The following NEGR1 variants were observed in gnomAD, a reference collection of about 807,000 sequenced individuals.
The protein encoded by NEGR1 is IgLON family member 4.
Under a neutral mutation model 40.9 loss-of-function variants are expected in NEGR1, and 10 were observed. The observed-to-expected ratio is 0.24, with a 90% confidence interval of 0.15 to 0.42. The LOEUF (loss-of-function observed/expected upper bound fraction) is 0.42, where lower values mean the gene tolerates loss of function less well. Among genes scored for constraint, NEGR1 ranks in the 10% least tolerant of loss-of-function variants. The probability of loss-of-function intolerance (pLI) is 1.00; values close to 1 mark genes in which losing one functional copy is unlikely to be tolerated. For missense variants in NEGR1, 352 were observed against 438.9 expected (o/e 0.80, Z 1.77); for synonymous variants, 185 against 166.8 (o/e 1.11, Z -0.84).
At chr1:72,169,119 C>T (rs1218953082) in intron 1 of NEGR1, among the ~76,000 whole-genome samples, 2 of 151,926 alleles carry the variant, frequency 1.3e-5, no homozygotes, top group African/African-American at 4.8e-5. Context: ...TTTCTCCATA[C>T]AAAAAATCAT....
chr1:72,214,850 G>GAA, intron 1 of NEGR1, among the ~76,000 whole-genome samples: 1 of 142,762 alleles, frequency 7.0e-6, no homozygotes, highest in East Asian at 2.2e-4. Context: ...CAGAATTAGC[G>GAA]AAAAAAAAAA....
chr1:71,778,462 T>C (rs1376375614), intron 2 of NEGR1, among the ~76,000 whole-genome samples: 5 of 152,188 alleles, frequency 3.3e-5, no homozygotes, highest in Non-Finnish European at 5.9e-5. Flanking sequence ...GGTTAAGTTA[T>C]GATGTTCGAT....
At chr1:72,201,519 T>C (rs974047615) in intron 1 of NEGR1, among the ~76,000 whole-genome samples, 10 of 151,804 alleles carry the variant, frequency 6.6e-5, no homozygotes, top group Non-Finnish European at 1.3e-4. Flanking sequence ...TGCACGTAAC[T>C]CAAGTAAAAT....
At chr1:72,279,616 A>G (rs1348696262) in intron 1 of NEGR1, among the ~76,000 whole-genome samples, 1 of 152,204 alleles carries the variant, frequency 6.6e-6, no homozygotes, top group Non-Finnish European at 1.5e-5. Context: ...CTAGTGAGTT[A>G]GAGAATAACA....
intron 6 of NEGR1, among the ~76,000 whole-genome samples, chr1:71,499,233 A>C (rs1461420930): frequency 6.6e-6 from 1 of 151,988 alleles, no homozygotes; most frequent in African/African-American, 2.4e-5. Flanking sequence ...CATATGTATA[A>C]GCCAGTTTTT....
chr1:71,454,143 C>A (rs909126441), intron 6 of NEGR1, among the ~76,000 whole-genome samples: 1 of 152,144 alleles, frequency 6.6e-6, no homozygotes, highest in African/African-American at 2.4e-5. Flanking sequence ...TCTCCACCCA[C>A]CTTAACAGCA....
At chr1:71,851,426 T>C (rs1260058637) in intron 2 of NEGR1, among the ~76,000 whole-genome samples, 1 of 152,206 alleles carries the variant, frequency 6.6e-6, no homozygotes, top group Non-Finnish European at 1.5e-5. Flanking sequence ...TTAAAACTCA[T>C]TTAATTTTTA....
chr1:71,921,564 T>A (rs539605462), intron 2 of NEGR1, among the ~76,000 whole-genome samples: 1 of 151,616 alleles, frequency 6.6e-6, no homozygotes, highest in Non-Finnish European at 1.5e-5. Context: ...TTCTCTTTTC[T>A]GTGATTTTCT....
At chr1:71,541,750 T>G (rs112986838) in intron 6 of NEGR1, among the ~76,000 whole-genome samples, 2 of 151,708 alleles carry the variant, frequency 1.3e-5, no homozygotes, top group Non-Finnish European at 2.9e-5. Flanking sequence ...GGGAAACCAA[T>G]GCCAGCAGAA....
At chr1:71,921,605 T>C (rs999449821) in intron 2 of NEGR1, among the ~76,000 whole-genome samples, 4 of 149,984 alleles carry the variant, frequency 2.7e-5, no homozygotes, top group Non-Finnish European at 4.4e-5. Context: ...TAGCTTACTG[T>C]ATTGTAGGAA....
chr1:71,541,397 CAAAT>C (rs1291357729), intron 6 of NEGR1, among the ~76,000 whole-genome samples: 6 of 151,488 alleles, frequency 4.0e-5, no homozygotes, highest in Non-Finnish European at 5.9e-5. Flanking sequence ...AGACGACTGA[CAAAT>C]AAAGAAGCTG....
chr1:71,407,406 T>G lies in NEGR1; in HGVS notation c.*40A>C, dbSNP rs781281162. The G allele has an allele frequency of 1.2e-6, 2 of 1,602,008 alleles. No homozygotes were observed. Among genetic ancestry groups the G allele is most frequent in the East Asian group, 2.2e-5 (1 of 44,750 alleles). Reference sequence around the variant, plus strand: ...CCAGATTGGATCCAGCCATCAGCACTTTCAGAGAATCCTTAAAAGCCTTTT... The same window carrying G: ...CCAGATTGGATCCAGCCATCAGCACGTTCAGAGAATCCTTAAAAGCCTTTT... On this transcript the variant is annotated 3_prime_UTR_variant, in exon 7 of 7. Coordinates refer to ENST00000357731, the MANE Select transcript of NEGR1 (RefSeq NM_173808.3).
At chr1:72,051,833 C>A (rs1647064765) in intron 1 of NEGR1, among the ~76,000 whole-genome samples, 2 of 151,452 alleles carry the variant, frequency 1.3e-5, no homozygotes, top group South Asian at 4.1e-4. Flanking sequence ...TCAACTTTAT[C>A]AGAGCCAGGG....
intron 6 of NEGR1, among the ~76,000 whole-genome samples, chr1:71,491,876 A>C (rs1646931428): frequency 1.3e-5 from 2 of 152,128 alleles, no homozygotes; most frequent in African/African-American, 4.8e-5. Flanking sequence ...TGTCCCTCCA[A>C]AATTTATATG....
intron 2 of NEGR1, among the ~76,000 whole-genome samples, chr1:71,868,892 A>G (rs981272737): frequency 2.0e-5 from 3 of 151,876 alleles, no homozygotes; most frequent in African/African-American, 4.8e-5. Context: ...CTTACCCCCA[A>G]TATGTATGTA....
chr1:72,266,034 C>T (rs1431796730), intron 1 of NEGR1, among the ~76,000 whole-genome samples: 2 of 150,838 alleles, frequency 1.3e-5, no homozygotes, highest in Admixed American at 1.3e-4. Flanking sequence ...TACTAAACTC[C>T]TAAGATCATC....
intron 1 of NEGR1, among the ~76,000 whole-genome samples, chr1:72,130,538 T>G (rs1650206733): frequency 6.6e-6 from 1 of 152,140 alleles, no homozygotes; most frequent in African/African-American, 2.4e-5. Context: ...GTTTAGTGCT[T>G]TTTTGGAATC....
intron 1 of NEGR1, among the ~76,000 whole-genome samples, chr1:71,978,323 G>C (rs2100333327): frequency 6.6e-6 from 1 of 152,198 alleles, no homozygotes; most frequent in South Asian, 2.1e-4. Context: ...CTGATCTATT[G>C]ACATTTAAGA....
At chr1:71,941,833 T>TA (rs1334970313) in intron 1 of NEGR1, among the ~76,000 whole-genome samples, 1 of 152,080 alleles carries the variant, frequency 6.6e-6, no homozygotes, top group Non-Finnish European at 1.5e-5. Context: ...TTGAGTTAGG[T>TA]TATATCAAAA....
Sources: allele counts gnomAD v4.1 joint callset (sites outside exome capture counted in the v4.1 genomes callset), GRCh38; gene constraint gnomAD v4.1.1; transcripts MANE v1.5; gene names NCBI Gene and HGNC (gene_info 2026-07-23, HGNC 2026-07-21).